CLIP4: variants seen among roughly 807,000 people sequenced by gnomAD.
CLIP4 encodes the protein CAP-Gly domain containing linker protein family member 4.
In CLIP4, 47 loss-of-function variants were observed where a neutral mutation model predicts 73.1. The observed-to-expected ratio is 0.64, with a 90% CI of 0.51 to 0.82. The LOEUF is 0.82. Among genes scored for constraint, CLIP4 ranks in the 40% least tolerant of loss-of-function variants. The probability of loss-of-function intolerance (pLI) is 0.00; values close to 1 mark genes in which losing one functional copy is unlikely to be tolerated. For missense variants in CLIP4, 874 were observed against 852.9 expected (o/e 1.02, Z -0.31); for synonymous variants, 306 against 295.4 (o/e 1.04, Z -0.37).
intron 8 of CLIP4, among the ~76,000 whole-genome samples, chr2:29,149,196 A>C (rs1277294194): frequency 6.6e-6 from 1 of 152,176 alleles, no homozygotes; most frequent in East Asian, 1.9e-4. Context: ...TGACCAATAA[A>C]CAGGCAGTAG....
chr2:29,104,416 C>A (rs544673609), intron 1 of CLIP4, among the ~76,000 whole-genome samples: 10 of 152,292 alleles, frequency 6.6e-5, no homozygotes, highest in African/African-American at 2.2e-4. Flanking sequence ...GCTGGGACTA[C>A]AGACACATGC....
At chr2:29,175,765 AATTTTTTT>A (rs2148110645) in intron 15 of CLIP4, among the ~76,000 whole-genome samples, 1 of 152,128 alleles carries the variant, frequency 6.6e-6, no homozygotes, top group Admixed American at 6.5e-5. Flanking sequence ...TTCTTTTTTT[AATTTTTTT>A]ATTTTTGAGA....
chr2:29,130,559 G>A (rs1252396196), intron 2 of CLIP4: 1 of 983,670 alleles, frequency 1.0e-6, no homozygotes, highest in Non-Finnish European at 1.3e-6. Context: ...TTCCTGAGCT[G>A]GGGGTGGGAC....
intron 6 of CLIP4, among the ~76,000 whole-genome samples, chr2:29,139,561 A>G (rs901043481): frequency 6.6e-6 from 1 of 152,104 alleles, no homozygotes; most frequent in African/African-American, 2.4e-5. Context: ...GATTGTTATC[A>G]GCTCCTCCTC....
intron 15 of CLIP4, among the ~76,000 whole-genome samples, chr2:29,181,292 G>A (rs1018526104): frequency 1.3e-5 from 2 of 152,206 alleles, no homozygotes; most frequent in African/African-American, 4.8e-5. Flanking sequence ...TGAGGAGAAG[G>A]AGGAAGAGAA....
intron 10 of CLIP4, 152 bp downstream of exon 10, chr2:29,156,595 T>C: frequency 1.7e-6 from 1 of 599,794 alleles, no homozygotes; most frequent in South Asian, 2.3e-5. Context: ...CTGAAGCAGC[T>C]CATAGCAAGC....
intron 2 of CLIP4, 142 bp downstream of exon 2, chr2:29,121,663 A>C (rs1370597210): frequency 2.3e-6 from 2 of 868,026 alleles, no homozygotes; most frequent in African/African-American, 1.7e-5. Context: ...CAAAAATACA[A>C]TTGCTTATTG....
chr2:29,171,048 A>C (rs751492328), intron 14 of CLIP4, among the ~76,000 whole-genome samples: 1 of 151,990 alleles, frequency 6.6e-6, no homozygotes, highest in African/African-American at 2.4e-5. Flanking sequence ...TCTGGTTTTG[A>C]TCTGCTTCTT....
intron 9 of CLIP4, 50 bp downstream of exon 9, chr2:29,152,878 T>C (rs1449250380): frequency 1.9e-6 from 3 of 1,586,554 alleles, no homozygotes; most frequent in Middle Eastern, 1.7e-4. Context: ...TTAATTTTAT[T>C]TGTAGAATTC....
chr2:29,115,122 C>G (rs1668507578), upstream of CLIP4: 5 of 152,414 alleles, frequency 3.3e-5, no homozygotes, highest in Admixed American at 3.3e-4. The surrounding 1 kb of genome is among the most constrained non-coding windows in gnomAD (Gnocchi z 5.1). Context: ...TGACCACGCT[C>G]GGCTGGACTC....
chr2:29,143,870 T>A lies in CLIP4; in HGVS notation c.810T>A (p.Asp270Glu), dbSNP rs752501561. 6.8e-6 allele frequency: 11 copies of A among 1,614,058 alleles called. No individual in the cohort carries two copies. The East Asian group carries it at 2.5e-4, about 36-fold the overall frequency. ...CAAAGGCCATGCTCCCAAATTATGA[T>A]CATGTCACTGGCAAGGCAATGCTTA... ...NISKAMLPNY[D>E]HVTGKAMLTS... Residue 270 changes from aspartate (D) to glutamate (E), a missense_variant, in exon 7 of 16, where the codon GAT (aspartate) becomes GAA (glutamate). Physicochemically the swap from Asp to Glu is conservative, Grantham distance 45. Transcript: ENST00000320081.
chr2:29,174,443 C>T lies in CLIP4; in HGVS notation c.1794C>T (p.Ser598=), dbSNP rs1338122103. The T allele has an allele frequency of 4.3e-6, 7 of 1,610,684 alleles. No individual in the cohort carries two copies. The highest frequency in any genetic ancestry group is 1.1e-5 in the South Asian group (1 of 90,396). The change falls in exon 15 of 16, where the codon TCC becomes TCT. Residue 598 remains serine, a splice_region_variant and synonymous_variant. Coordinates refer to ENST00000320081, the MANE Select transcript of CLIP4 (RefSeq NM_024692.6). ...QKEINRRNAF[S]KSKAALRRSW... ...AGATTAACAGAAGAAATGCTTTTTC[C>T]AAGTGAGTATTAAGAAGATTTAGAA...
intron 1 of CLIP4, among the ~76,000 whole-genome samples, chr2:29,099,256 A>C (rs1323922982): frequency 6.6e-6 from 1 of 152,220 alleles, no homozygotes; most frequent in Non-Finnish European, 1.5e-5. Context: ...TTGGTGTTGT[A>C]TCTAAAAAGT....
chr2:29,140,349 G>C (rs1236370337), intron 6 of CLIP4, among the ~76,000 whole-genome samples: 3 of 151,910 alleles, frequency 2.0e-5, no homozygotes, highest in Admixed American at 6.6e-5. Flanking sequence ...TTGTCCTTGC[G>C]ATAGTTTACT....
chr2:29,119,805 A>G (rs922100070), intron 1 of CLIP4, among the ~76,000 whole-genome samples: 24 of 152,126 alleles, frequency 1.6e-4, no homozygotes, highest in Admixed American at 6.6e-5. Context: ...TACCTTCTTC[A>G]CCATTTATGA....
intron 12 of CLIP4, among the ~76,000 whole-genome samples, chr2:29,160,896 G>A (rs1212630630): frequency 6.6e-6 from 1 of 152,100 alleles, no homozygotes; most frequent in Non-Finnish European, 1.5e-5. Flanking sequence ...TGTTTTTGGG[G>A]CCCTTAAAAA....
chr2:29,181,517 TGC>T, intron 15 of CLIP4, 53 bp from the exon 16 acceptor site: 1 of 1,375,762 alleles, frequency 7.3e-7, no homozygotes, highest in Non-Finnish European at 9.9e-7. Context: ...TATGATGCAT[TGC>T]ATTACGTGGC....
At chr2:29,171,490 A>G (rs1667997924) in intron 14 of CLIP4, among the ~76,000 whole-genome samples, 1 of 150,662 alleles carries the variant, frequency 6.6e-6, no homozygotes. Flanking sequence ...TGTTTTTAGA[A>G]TATTTCTATA....
intron 1 of CLIP4, among the ~76,000 whole-genome samples, chr2:29,116,009 G>C (rs1663790124): frequency 1.3e-5 from 2 of 152,186 alleles, no homozygotes; most frequent in African/African-American, 4.8e-5. Flanking sequence ...CGGCTGCCCC[G>C]AGAGTCCCCG....
Sources: gnomAD v4.1 joint callset for allele counts (sites outside exome capture counted in the v4.1 genomes callset) on GRCh38, gnomAD v4.1.1 for gene constraint, Gnocchi (gnomAD v3.1) non-coding constraint, MANE v1.5 for transcripts, NCBI Gene and HGNC (gene_info 2026-07-23, HGNC 2026-07-21) for gene names.